PEX1: variants seen among roughly 807,000 people sequenced by gnomAD.
PEX1 encodes the protein peroxisomal ATPase PEX1.
Under a neutral mutation model 152.5 loss-of-function variants are expected in PEX1, and 97 were observed. The ratio of observed to expected loss-of-function variants is 0.64; its 90% CI spans 0.54 to 0.75. The LOEUF (loss-of-function observed/expected upper bound fraction) is 0.75, where lower values mean the gene tolerates loss of function less well. Ranked by LOEUF, PEX1 falls within the 30% of genes least tolerant of loss-of-function variation. PEX1 has a pLI of 0.00. For missense variants in PEX1, 1,357 were observed against 1,516.3 expected, an observed-to-expected ratio of 0.89 and a Z score of 1.74; for synonymous variants, 485 against 531.6, an observed-to-expected ratio of 0.91 and a Z score of 1.21.
Position 92,513,861 on chromosome 7 carries a change from G to C in PEX1, c.1346C>G (p.Pro449Arg). ...PKIPRSLKLQ[P>R]RENLPKDISE... The stretch of plus-strand genomic sequence containing the variant: ...ATTTGAACTCACTAAATTCTCTCTA[G>C]GTTGTAACTTTAGAGATCTTGGAAT... The change falls in exon 6 of 24, where the codon CCT becomes CGT. Residue 449 changes from proline to arginine, a missense_variant. Physicochemically the swap from Pro to Arg is moderately radical, Grantham distance 103. Coordinates refer to ENST00000248633, the MANE Select transcript of PEX1 (RefSeq NM_000466.3). The C allele has an allele frequency of 6.3e-7, 1 of 1,598,874 alleles. No individual in the cohort carries two copies.
chr7:92,522,382 A>G, intron 1 of PEX1, 137 bp from the exon 2 acceptor site: 2 of 846,952 alleles, frequency 2.4e-6, no homozygotes, highest in Non-Finnish European at 3.7e-6. Context: ...CATTTGTTGT[A>G]GCATTTAAAA....
rs769516058 is a variant in PEX1 at position 92,518,116 on chromosome 7, C to G, written c.472+25G>C. 28 of 1,603,124 alleles carry G rather than the reference C, an allele frequency of 1.7e-5. 1 individual carries two copies. The South Asian group carries it at 3.0e-4, about 17-fold the overall frequency. ...CTCAATGCTATAGTGTAGAATATGA[C>G]AGCAAATATTACAATAGCACCTACC... On this transcript the variant is annotated intron_variant, in intron 4 of 23. Coordinates refer to ENST00000248633, the MANE Select transcript of PEX1 (RefSeq NM_000466.3).
Position 92,516,045 on chromosome 7 carries a change from AGAGAAGAGAAAAAAGAAAAG to A in PEX1, c.1239+1211_1239+1230del, listed in dbSNP as rs1281089554. Among the ~76,000 whole-genome samples, 724 of 99,278 alleles carry A rather than the reference AGAGAAGAGAAAAAAGAAAAG, an allele frequency of 7.3e-3. 5 individuals carry two copies. Among genetic ancestry groups the A allele is most frequent in the South Asian group, 0.046 (127 of 2,760 alleles). The allele number at this position is 99,278 out of a possible 152,430, so 65.1% of individuals were successfully genotyped here. A position where few individuals can be genotyped will look rare whatever the true frequency, so the allele number is the denominator to read the frequency against. On this transcript the variant is annotated intron_variant, in intron 5 of 23. Transcript: ENST00000248633. ...AGAGAAGAGAAGAGAAGAGAAGAGA[AGAGAAGAGAAAAAAGAAAAG>A]AAAAGAAAAGAAAAGAAAAGAAAAG...
intron 16 of PEX1, among the ~76,000 whole-genome samples, chr7:92,499,351 A>G (rs747713972): frequency 3.9e-5 from 6 of 152,264 alleles, no homozygotes; most frequent in Non-Finnish European, 8.8e-5. Context: ...AAGTATGGTA[A>G]CATTATTCAG....
chr7:92,492,866 A>G, intron 20 of PEX1, 87 bp downstream of exon 20: 1 of 1,039,632 alleles, frequency 9.6e-7, no homozygotes, highest in South Asian at 1.3e-5. Context: ...GTTGTTTAAA[A>G]AATAGCATTT....
intron 23 of PEX1, among the ~76,000 whole-genome samples, chr7:92,488,630 G>T (rs1054008303): frequency 6.6e-6 from 1 of 151,816 alleles, no homozygotes; most frequent in Non-Finnish European, 1.5e-5. Context: ...AAATTATTTT[G>T]AAGGCAAAAC....
chr7:92,494,485 A>G lies in PEX1; in HGVS notation c.2926+2T>C, dbSNP rs267608180. 11 of 1,613,380 alleles carry G rather than the reference A, an allele frequency of 6.8e-6. No homozygotes were observed. In the South Asian group the frequency reaches 1.2e-4, roughly 18 times the overall value. On this transcript the variant is annotated splice_donor_variant, in intron 18 of 23. Coordinates refer to ENST00000248633, the MANE Select transcript of PEX1 (RefSeq NM_000466.3). LOFTEE classifies it high-confidence loss of function. ...TTCTATTTCTGTATTTATAATTATTACCCTGTAAGCCTTCTACTCCATCCA... is the reference window on the plus strand; with the variant it reads ...TTCTATTTCTGTATTTATAATTATTGCCCTGTAAGCCTTCTACTCCATCCA...
chr7:92,506,221 T>A, intron 11 of PEX1, 27 bp downstream of exon 11: 1 of 1,193,186 alleles, frequency 8.4e-7, no homozygotes, highest in South Asian at 1.2e-5. Flanking sequence ...AAAAAGGGAT[T>A]TATATAGAGT....
chr7:92,489,647 T>C (rs903478852), intron 22 of PEX1, 67 bp downstream of exon 22: 2 of 1,403,104 alleles, frequency 1.4e-6, no homozygotes, highest in Non-Finnish European at 2.0e-6. Flanking sequence ...CAAAGAAATA[T>C]ATATCAAAAG....
chr7:92,494,556 T>C lies in PEX1; in HGVS notation c.2857A>G (p.Asn953Asp), dbSNP rs1562848505. The C allele has an allele frequency of 1.9e-6, 3 of 1,613,932 alleles. No individual in the cohort carries two copies. In the South Asian group the frequency reaches 3.3e-5, roughly 18 times the overall value. Residue 953 changes from asparagine (N) to aspartate (D), a missense_variant, in exon 18 of 24, where the codon AAT becomes GAT. Coordinates refer to ENST00000248633, the MANE Select transcript of PEX1 (RefSeq NM_000466.3). ...ACTACTCGGTCTGTAACTCCTGTAT[T>C]ATCATGACCCCGCCGAGGAGCAATG... is the stretch of plus-strand genomic sequence containing the variant. ...ESIAPRRGHD[N>D]TGVTDRVVNQ...
At chr7:92,498,129 C>T (rs1461272049) in intron 16 of PEX1, among the ~76,000 whole-genome samples, 3 of 150,434 alleles carry the variant, frequency 2.0e-5, no homozygotes, top group East Asian at 1.9e-4. Flanking sequence ...CAGCCTGGCA[C>T]TTTTAGTTTC....
intron 9 of PEX1, among the ~76,000 whole-genome samples, chr7:92,508,880 G>A (rs1792321758): frequency 6.6e-6 from 1 of 152,116 alleles, no homozygotes; most frequent in African/African-American, 2.4e-5. Flanking sequence ...ATACAAGACA[G>A]TGAAGGAATA....
intron 2 of PEX1, among the ~76,000 whole-genome samples, chr7:92,520,876 T>G (rs1421771638): frequency 6.6e-6 from 1 of 152,184 alleles, no homozygotes; most frequent in Non-Finnish European, 1.5e-5. Context: ...ATCCTAAAGG[T>G]CTACTGAGAT....
At chr7:92,521,762 G>A (rs1793060825) in intron 2 of PEX1, among the ~76,000 whole-genome samples, 1 of 152,140 alleles carries the variant, frequency 6.6e-6, no homozygotes, top group South Asian at 2.1e-4. Flanking sequence ...AATCAAGTGA[G>A]ACCATGGAAG....
intron 12 of PEX1, among the ~76,000 whole-genome samples, chr7:92,503,501 G>C (rs1190142958): frequency 6.6e-6 from 1 of 152,162 alleles, no homozygotes; most frequent in Non-Finnish European, 1.5e-5. Context: ...ATAAAAATTT[G>C]TCTCTGAAAT....
chr7:92,517,909 A>G lies in PEX1; in HGVS notation c.606T>C (p.Tyr202=), dbSNP rs781452833. ...ADAEYKKLHS[Y]GRDQKGMMKE... is the part of the protein sequence containing the mutation. ...TCATCATTCCTTTCTGGTCTCTTCC[A>G]TAACTATGAAGTTTTTTATATTCAG... The change falls in exon 5 of 24, where the codon TAT becomes TAC. Residue 202 remains tyrosine, a synonymous_variant. Transcript: ENST00000248633. The G allele has an allele frequency of 6.4e-7, 1 of 1,571,466 alleles. No homozygotes were observed. The highest frequency in any genetic ancestry group is 2.0e-5 in the Admixed American group (1 of 50,968).
intron 23 of PEX1, 27 bp from the exon 24 acceptor site, chr7:92,487,568 AT>A (rs747271693): frequency 9.5e-7 from 1 of 1,056,588 alleles, no homozygotes; most frequent in Non-Finnish European, 1.5e-6. Flanking sequence ...ATAATTTAAT[AT>A]GTATAAATAC....
chr7:92,526,217 G>A (rs192091832), intron 1 of PEX1, among the ~76,000 whole-genome samples: 142 of 152,324 alleles, frequency 9.3e-4, no homozygotes, highest in African/African-American at 3.2e-3. Context: ...GTGCATCCAA[G>A]TAGCCTGAAT....
rs573103743 is a variant in PEX1 at position 92,527,291 on chromosome 7, A to G, written c.129+1016T>C. On this transcript the variant is annotated intron_variant, in intron 1 of 23. Transcript: ENST00000248633. ...GTGCAGATTTGAAAACATGTTGAAA[A>G]ATCCCATCGAAGCTGACAGAGCACT... Among the ~76,000 whole-genome samples the G allele has an allele frequency of 1.2e-3, 177 of 152,320 alleles. 1 individual carries two copies. The highest frequency in any genetic ancestry group is 2.1e-3 in the Non-Finnish European group (145 of 68,036).
Sources: allele counts gnomAD v4.1 joint callset (sites outside exome capture counted in the v4.1 genomes callset), GRCh38; gene constraint gnomAD v4.1.1; transcripts MANE v1.5; gene names NCBI Gene and HGNC (gene_info 2026-07-23, HGNC 2026-07-21).